SORL1: variants seen among roughly 807,000 people sequenced by gnomAD.
The protein encoded by SORL1 is sortilin-related receptor.
A neutral mutation model predicts 273.7 loss-of-function variants in SORL1; 127 were observed. The observed-to-expected ratio is 0.46, with a 90% CI of 0.40 to 0.54. The LOEUF is 0.54. Ranked by LOEUF, SORL1 falls within the 20% of genes least tolerant of loss-of-function variation. SORL1 has a pLI of 0.00. For synonymous variants in SORL1, 1,031 were observed against 1,067.4 expected, an observed-to-expected ratio of 0.97 and a Z score of 0.66; for missense variants, 2,494 against 2,846.1, an observed-to-expected ratio of 0.88 and a Z score of 2.81.
chr11:121,478,790 G>C (rs890072743), intron 3 of SORL1, among the ~76,000 whole-genome samples: 6 of 151,726 alleles, frequency 4.0e-5, no homozygotes, highest in Non-Finnish European at 8.8e-5. Flanking sequence ...TTGTGTGCGC[G>C]TGAGTACCTT....
In SORL1 at chr11:121,618,758, T is replaced by C. The variant is rs748532427; in HGVS notation, c.5605-16T>C. ...CCCATGAGCTGATGTCCTCTTCCAT[T>C]CTCTGCTTTTACCAGGTTTATGGTA... On this transcript the variant is annotated splice_polypyrimidine_tract_variant and intron_variant, in intron 41 of 47. Transcript: ENST00000260197. 6.2e-6 allele frequency: 10 copies of C among 1,613,942 alleles called. No individual in the cohort carries two copies. In the African/African-American group the frequency reaches 8.0e-5, roughly 13 times the overall value.
At position 121,554,200 on chromosome 11, in the gene SORL1, C is replaced by T; in HGVS notation, c.2439+91C>T. The T allele has an allele frequency of 1.7e-6, 2 of 1,168,016 alleles. No individual in the cohort carries two copies. The highest frequency in any genetic ancestry group is 2.4e-4 in the Middle Eastern group (1 of 4,254). The allele number at this position is 1,168,016 out of a possible 1,614,324, so 72.4% of individuals were successfully genotyped here. A position where few individuals can be genotyped will look rare whatever the true frequency, so the allele number is the denominator to read the frequency against. On this transcript the variant is annotated intron_variant, in intron 17 of 47. Transcript: ENST00000260197. This position sits in a 1 kb window ranked among gnomAD's most constrained non-coding sequence, Gnocchi z 4.6. ...ATGCAGAATGGCCTATGGAAATGGG[C>T]AGTTAGAAGTTTGTAAGTGTTACTC...
At chr11:121,494,042 T>C (rs112039397) in intron 5 of SORL1, among the ~76,000 whole-genome samples, 65 of 152,242 alleles carry the variant, frequency 4.3e-4, no homozygotes, top group Non-Finnish European at 7.9e-4. Context: ...CATTAGAACT[T>C]TCTTCTGCTT....
chr11:121,500,577 A>G (rs1419544783), intron 6 of SORL1, among the ~76,000 whole-genome samples: 1 of 152,232 alleles, frequency 6.6e-6, no homozygotes, highest in Non-Finnish European at 1.5e-5. Context: ...GTACCTATAC[A>G]GAGGCAATAT....
chr11:121,477,449 C>G (rs1031976064), intron 2 of SORL1, among the ~76,000 whole-genome samples: 1 of 152,222 alleles, frequency 6.6e-6, no homozygotes, highest in Admixed American at 6.5e-5. Flanking sequence ...ACATTCTCCC[C>G]CTTCTGGATG....
intron 1 of SORL1, among the ~76,000 whole-genome samples, chr11:121,456,427 C>T (rs1305620731): frequency 2.6e-5 from 4 of 151,994 alleles, no homozygotes; most frequent in Non-Finnish European, 4.4e-5. Context: ...GAAGAGAGGC[C>T]CAGAGGGTAG....
chr11:121,516,477 C>T (rs1049752142), intron 8 of SORL1, among the ~76,000 whole-genome samples: 2 of 152,124 alleles, frequency 1.3e-5, no homozygotes, highest in African/African-American at 4.8e-5. Flanking sequence ...AGATCACCAG[C>T]TTGGTTTGGG....
intron 8 of SORL1, 48 bp from the exon 9 acceptor site, chr11:121,520,609 C>T (rs1862025024): frequency 7.7e-7 from 1 of 1,300,662 alleles, no homozygotes; most frequent in Non-Finnish European, 1.1e-6. Context: ...TTTACAATAA[C>T]AAGCAAATAC....
intron 31 of SORL1, among the ~76,000 whole-genome samples, chr11:121,594,490 C>A (rs1863264760): frequency 6.6e-6 from 1 of 151,422 alleles, no homozygotes; most frequent in African/African-American, 2.4e-5. Context: ...TATTTCAACT[C>A]TTTGCTGAGT....
At chr11:121,559,687 T>C in intron 21 of SORL1, 30 bp downstream of exon 21, 1 of 1,608,668 alleles carries the variant, frequency 6.2e-7, no homozygotes, top group Non-Finnish European at 8.5e-7. Flanking sequence ...TTTGTCTCTG[T>C]AGAGTTGATC....
intron 14 of SORL1, 80 bp downstream of exon 14, chr11:121,545,509 C>G (rs1395774445): frequency 1.5e-6 from 2 of 1,337,366 alleles, no homozygotes; most frequent in East Asian, 2.4e-5. Flanking sequence ...TAGGCATGGT[C>G]CCTTTCCCTG....
At chr11:121,522,861 G>T in intron 10 of SORL1, 55 bp from the exon 11 acceptor site, 1 of 1,506,584 alleles carries the variant, frequency 6.6e-7, no homozygotes, top group South Asian at 1.1e-5. Flanking sequence ...GCTGGGCAAG[G>T]TGATTATCTG....
At chr11:121,552,365 G>A (rs1170200123) in intron 16 of SORL1, among the ~76,000 whole-genome samples, 5 of 152,332 alleles carry the variant, frequency 3.3e-5, no homozygotes, top group African/African-American at 9.6e-5. Context: ...AGCATTGCGC[G>A]CTGGAATGCC....
chr11:121,485,383 G>A (rs575483944), intron 3 of SORL1, among the ~76,000 whole-genome samples: 9 of 152,294 alleles, frequency 5.9e-5, no homozygotes, highest in Admixed American at 2.0e-4. Flanking sequence ...AGATATTGAC[G>A]TCAATGCTGC....
chr11:121,545,346 C>G lies in SORL1; in HGVS notation c.1968C>G (p.Pro656=), dbSNP rs767352825. The change falls in exon 14 of 48, where the codon CCC becomes CCG. Residue 656 remains proline (P), a synonymous_variant. Coordinates refer to ENST00000260197, the MANE Select transcript of SORL1 (RefSeq NM_003105.6). ...GHKTVFKRRT[P]HATCFNGEDF... is the part of the protein sequence containing the mutation. ...AGACTGTTTTCAAACGGCGGACCCC[C>G]CATGCCACATGCTTCAATGGAGAGG... The G allele has an allele frequency of 1.2e-6, 2 of 1,614,082 alleles. No individual in the cohort carries two copies. The highest frequency in any genetic ancestry group is 2.2e-5 in the East Asian group (1 of 44,884).
intron 31 of SORL1, among the ~76,000 whole-genome samples, chr11:121,592,456 G>T (rs879701603): frequency 6.6e-6 from 1 of 152,080 alleles, no homozygotes; most frequent in Non-Finnish European, 1.5e-5. Flanking sequence ...GAACAAGTAG[G>T]GTATTATTCT....
At position 121,563,648 on chromosome 11, in the gene SORL1, G is replaced by A. The variant is rs1429226267; in HGVS notation, c.3050-3292G>A. Among the ~76,000 whole-genome samples, 2 of 152,094 alleles carry A rather than the reference G, an allele frequency of 1.3e-5. No individual in the cohort carries two copies. The highest frequency in any genetic ancestry group is 2.4e-5 in the African/African-American group (1 of 41,416). Reference sequence around the variant, plus strand: ...TGAGCTCAGGCAATCTGCACGCCCCGGCCTCCCAAAGTGCTAGGATTTACA... The same window carrying A: ...TGAGCTCAGGCAATCTGCACGCCCCAGCCTCCCAAAGTGCTAGGATTTACA... On this transcript the variant is annotated intron_variant, in intron 21 of 47. Coordinates refer to ENST00000260197, the MANE Select transcript of SORL1 (RefSeq NM_003105.6). This position sits in a 1 kb window ranked among gnomAD's most constrained non-coding sequence, Gnocchi z 4.2.
intron 16 of SORL1, among the ~76,000 whole-genome samples, chr11:121,551,080 A>G (rs1047046430): frequency 6.6e-6 from 1 of 152,258 alleles, no homozygotes; most frequent in Admixed American, 6.5e-5. Context: ...ACTAACTGTA[A>G]CTAAAATTTT....
intron 12 of SORL1, among the ~76,000 whole-genome samples, chr11:121,540,242 T>A (rs1051146529): frequency 6.6e-6 from 1 of 152,172 alleles, no homozygotes; most frequent in Non-Finnish European, 1.5e-5. Flanking sequence ...GTGGTTATAT[T>A]ATGTTTTATT....
Sources: gnomAD v4.1 joint callset for allele counts (sites outside exome capture counted in the v4.1 genomes callset) on GRCh38, gnomAD v4.1.1 for gene constraint, Gnocchi (gnomAD v3.1) non-coding constraint, MANE v1.5 for transcripts, NCBI Gene and HGNC (gene_info 2026-07-23, HGNC 2026-07-21) for gene names.